Variants in ARL15 observed in about 807,000 individuals in gnomAD.
ARL15 encodes the protein ARF like GTPase 15, also known as ADP-ribosylation factor-like protein 15.
ARL15 carries 19 observed loss-of-function variants against 25.2 expected under a neutral mutation model. The ratio of observed to expected loss-of-function variants is 0.75; its 90% confidence interval spans 0.53 to 1.10. The LOEUF (loss-of-function observed/expected upper bound fraction) is 1.10, where lower values mean the gene tolerates loss of function less well. Among genes scored for constraint, ARL15 ranks in the 50% least tolerant of loss-of-function variants. The probability of loss-of-function intolerance (pLI) is 0.00; values close to 1 mark genes in which losing one functional copy is unlikely to be tolerated. For synonymous variants in ARL15, 94 were observed against 86.8 expected, an observed-to-expected ratio of 1.08 and a Z score of -0.46; for missense variants, 220 against 246.0, an observed-to-expected ratio of 0.89 and a Z score of 0.71.
At chr5:53,923,205 T>C (rs1020197794) in intron 4 of ARL15, among the ~76,000 whole-genome samples, 3 of 152,140 alleles carry the variant, frequency 2.0e-5, no homozygotes, top group Non-Finnish European at 4.4e-5. Context: ...TGAGTCAGGA[T>C]GGAACTCCTG....
intron 1 of ARL15, among the ~76,000 whole-genome samples, chr5:54,233,448 C>A (rs1756723683): frequency 6.6e-6 from 1 of 152,162 alleles, no homozygotes; most frequent in Admixed American, 6.5e-5. Flanking sequence ...AAATTAAATT[C>A]TTAGAAAACT....
intron 4 of ARL15, among the ~76,000 whole-genome samples, chr5:54,033,880 C>T (rs1336612326): frequency 2.6e-5 from 4 of 152,172 alleles, no homozygotes; most frequent in African/African-American, 9.7e-5. Flanking sequence ...GTGGCCTGAT[C>T]TTGGCTCACT....
At chr5:54,058,797 G>C (rs55964339) in intron 4 of ARL15, among the ~76,000 whole-genome samples, 4 of 152,138 alleles carry the variant, frequency 2.6e-5, no homozygotes, top group African/African-American at 7.2e-5. Context: ...GTCTTGAACA[G>C]AGGAGTGATA....
intron 4 of ARL15, among the ~76,000 whole-genome samples, chr5:54,069,507 G>A (rs1399220949): frequency 2.3e-5 from 3 of 130,968 alleles, no homozygotes; most frequent in Non-Finnish European, 4.6e-5. Flanking sequence ...GGAGGTGGAG[G>A]TTGCAGTGAG....
At chr5:53,901,948 C>T (rs1179501248) in intron 4 of ARL15, among the ~76,000 whole-genome samples, 1 of 152,168 alleles carries the variant, frequency 6.6e-6, no homozygotes, top group East Asian at 1.9e-4. Context: ...CCACCATAGC[C>T]TTTGATTCTG....
Position 53,910,633 on chromosome 5 carries a change from T to TTATATATATATATA in ARL15, c.463-23934_463-23921dup, listed in dbSNP as rs70986649. 9.5e-3 allele frequency among the ~76,000 whole-genome samples: 517 copies of TTATATATATATATA among 54,654 alleles called. 1 individual carries two copies. The highest frequency in any genetic ancestry group is 0.013 in the Middle Eastern group (1 of 78). The allele number at this position is 54,654 out of a possible 152,430, so 35.9% of individuals were successfully genotyped here. ...GAACTTAAAGTATAATAAAAAAAAA[T>TTATATATATATATA]TATATATATATATATATATATATAT... On this transcript the variant is annotated intron_variant, in intron 4 of 4. Transcript: ENST00000504924.
At chr5:54,295,598 A>C (rs888239221) in intron 1 of ARL15, among the ~76,000 whole-genome samples, 1 of 152,186 alleles carries the variant, frequency 6.6e-6, no homozygotes, top group Admixed American at 6.5e-5. Context: ...TTATAGGAAA[A>C]AGTATGTTAC....
intron 4 of ARL15, among the ~76,000 whole-genome samples, chr5:53,899,441 A>AT (rs958500127): frequency 5.7e-5 from 8 of 140,294 alleles, no homozygotes; most frequent in East Asian, 2.5e-4. Flanking sequence ...GGTATTATTG[A>AT]TTTTCTCTAT....
intron 2 of ARL15, among the ~76,000 whole-genome samples, chr5:54,163,375 T>G (rs1754473799): frequency 2.3e-5 from 3 of 128,374 alleles, no homozygotes; most frequent in Admixed American, 8.0e-5. Context: ...TTTTTTTTTT[T>G]TTTTTTTTTT....
At chr5:54,192,326 C>A (rs980042858) in intron 1 of ARL15, among the ~76,000 whole-genome samples, 33 of 151,384 alleles carry the variant, frequency 2.2e-4, no homozygotes, top group African/African-American at 7.3e-4. Context: ...AACTACCTTA[C>A]ATGTTTTCCC....
intron 4 of ARL15, among the ~76,000 whole-genome samples, chr5:54,096,606 T>G (rs1269681102): frequency 6.6e-6 from 1 of 152,150 alleles, no homozygotes; most frequent in Non-Finnish European, 1.5e-5. Context: ...AGATGGGGTT[T>G]CACCATGTTG....
chr5:54,024,569 G>T (rs1749723085), intron 4 of ARL15, among the ~76,000 whole-genome samples: 1 of 152,046 alleles, frequency 6.6e-6, no homozygotes, highest in African/African-American at 2.4e-5. Flanking sequence ...ATGTCTCCAG[G>T]AATAAGATGT....
At chr5:54,057,983 G>C (rs891472039) in intron 4 of ARL15, among the ~76,000 whole-genome samples, 22 of 142,858 alleles carry the variant, frequency 1.5e-4, no homozygotes, top group African/African-American at 5.9e-4. Flanking sequence ...CTAATTTACT[G>C]GTGCCTTTAT....
intron 3 of ARL15, among the ~76,000 whole-genome samples, chr5:54,136,335 A>G (rs1306786703): frequency 1.3e-5 from 2 of 152,240 alleles, no homozygotes; most frequent in East Asian, 3.8e-4. Context: ...ATTAATTCAA[A>G]TTATAAGGAG....
chr5:54,213,322 G>A (rs1040099749), intron 1 of ARL15, among the ~76,000 whole-genome samples: 6 of 152,092 alleles, frequency 3.9e-5, no homozygotes, highest in Non-Finnish European at 8.8e-5. Flanking sequence ...AGTCCAAAAT[G>A]GTAACTGTTC....
At chr5:54,089,809 T>G (rs1752079878) in intron 4 of ARL15, among the ~76,000 whole-genome samples, 1 of 152,208 alleles carries the variant, frequency 6.6e-6, no homozygotes, top group Admixed American at 6.5e-5. Flanking sequence ...TAATATTATA[T>G]TCAAATGAAT....
rs1005979152 is a variant in ARL15 at position 54,205,077 on chromosome 5, G to A, written c.49-33149C>T. On this transcript the variant is annotated intron_variant, in intron 1 of 4. Coordinates refer to ENST00000504924, the MANE Select transcript of ARL15 (RefSeq NM_019087.3). ...AGCCTCCCAAGTAGCTGGGATTTACGGGTGTGAGCCACCACGCCTGGCCTC... is the reference window on the plus strand; with the variant it reads ...AGCCTCCCAAGTAGCTGGGATTTACAGGTGTGAGCCACCACGCCTGGCCTC... 2.0e-5 allele frequency among the ~76,000 whole-genome samples: 3 copies of A among 151,914 alleles called. No individual in the cohort carries two copies. In the South Asian group the frequency reaches 6.2e-4, roughly 32 times the overall value.
At chr5:54,009,752 A>G (rs1749171695) in intron 4 of ARL15, among the ~76,000 whole-genome samples, 1 of 152,252 alleles carries the variant, frequency 6.6e-6, no homozygotes, top group Non-Finnish European at 1.5e-5. Flanking sequence ...GAGGCTCAAT[A>G]TCAGCCTCAT....
chr5:53,920,861 A>T (rs1306764694), intron 4 of ARL15, among the ~76,000 whole-genome samples: 1 of 152,128 alleles, frequency 6.6e-6, no homozygotes, highest in African/African-American at 2.4e-5. Flanking sequence ...GTCGGGGCAC[A>T]ACTGATGTGC....
Sources: allele counts gnomAD v4.1 joint callset (sites outside exome capture counted in the v4.1 genomes callset), GRCh38; gene constraint gnomAD v4.1.1; transcripts MANE v1.5; gene names NCBI Gene and HGNC (gene_info 2026-07-23, HGNC 2026-07-21).